Variants in MAVS observed in about 807,000 individuals in gnomAD.
MAVS encodes the protein mitochondrial antiviral signaling protein.
In MAVS, 20 loss-of-function variants were observed where a neutral mutation model predicts 30.2. The ratio of observed to expected loss-of-function variants is 0.66; its 90% confidence interval spans 0.47 to 0.96. The LOEUF (loss-of-function observed/expected upper bound fraction) is 0.96, where lower values mean the gene tolerates loss of function less well. Among genes scored for constraint, MAVS ranks in the 40% least tolerant of loss-of-function variants. MAVS has a pLI of 0.00. For missense variants in MAVS, 624 were observed against 701.1 expected, an observed-to-expected ratio of 0.89 and a Z score of 1.24; for synonymous variants, 278 against 293.9, an observed-to-expected ratio of 0.95 and a Z score of 0.55.
rs967899413 is a variant in MAVS at position 3,874,263 on chromosome 20, A to G, written c.*8116A>G. 1.7e-4 allele frequency: 66 copies of G among 398,456 alleles called. No individual in the cohort carries two copies. The highest frequency in any genetic ancestry group is 1.3e-3 in the African/African-American group (64 of 48,630). The allele number at this position is 398,456 out of a possible 1,614,324, so 24.7% of individuals were successfully genotyped here. On this transcript the variant is annotated 3_prime_UTR_variant, in exon 7 of 7. Coordinates refer to ENST00000428216, the MANE Select transcript of MAVS (RefSeq NM_020746.5). The stretch of plus-strand genomic sequence containing the variant: ...CCATGGTGTTAGAAGCCAGGGGAAC[A>G]GTTAACAGGGGAGGGATACTGGGGA...
chr20:3,858,207 A>G (rs762109655), intron 3 of MAVS, among the ~76,000 whole-genome samples: 1 of 148,464 alleles, frequency 6.7e-6, no homozygotes, highest in Non-Finnish European at 1.5e-5. Flanking sequence ...CTTCTCCCCC[A>G]CCTACTCATT....
chr20:3,860,228 C>T (rs1467339175), intron 3 of MAVS, among the ~76,000 whole-genome samples: 2 of 148,358 alleles, frequency 1.3e-5, no homozygotes, highest in Non-Finnish European at 3.0e-5. Flanking sequence ...GAGGAGAACC[C>T]CCAATTCCTT....
chr20:3,864,438 A>C lies in MAVS; in HGVS notation c.808A>C (p.Lys270Gln), dbSNP rs962153324. ...GGCCTCTGCAGGGGCTGCAGAGGGTAAACAGGGTGCAGAGAGTGACCAGGC... is the reference window on the plus strand; with the variant it reads ...GGCCTCTGCAGGGGCTGCAGAGGGTCAACAGGGTGCAGAGAGTGACCAGGC... ...GLASAGAAEG[K>Q]QGAESDQAEP... The change falls in exon 6 of 7, where the codon AAA (lysine) becomes CAA (glutamine). Residue 270 changes from lysine to glutamine, a missense_variant. Transcript: ENST00000428216. 1.2e-6 allele frequency: 2 copies of C among 1,613,854 alleles called. No individual in the cohort carries two copies. The highest frequency in any genetic ancestry group is 2.7e-5 in the African/African-American group (2 of 74,872).
rs2089988535 is a variant in MAVS, at chr20:3,875,976, A to G, written c.*9829A>G. On this transcript the variant is annotated 3_prime_UTR_variant, in exon 7 of 7. Transcript: ENST00000428216. ...CGGCTTCTTGCAGGAGGCGTATCCA[A>G]AGGAATTGGAGAAGAGATAAACTGG... is the stretch of plus-strand genomic sequence containing the variant. 1 of 152,358 alleles carries G rather than the reference A, an allele frequency of 6.6e-6. No homozygotes were observed. Among genetic ancestry groups the G allele is most frequent in the Admixed American group, 6.5e-5 (1 of 15,278 alleles). 9.4% of individuals were successfully genotyped at this position (152,358 alleles called of 1,614,324 possible).
chr20:3,862,509 A>C lies in MAVS; in HGVS notation c.625+96A>C, dbSNP rs972744473. 1.8e-5 allele frequency: 24 copies of C among 1,348,912 alleles called. No individual in the cohort carries two copies. The African/African-American group carries it at 3.5e-4, about 20-fold the overall frequency. 83.6% of individuals were successfully genotyped at this position (1,348,912 alleles called of 1,614,324 possible). On this transcript the variant is annotated intron_variant, in intron 5 of 6. Coordinates refer to ENST00000428216, the MANE Select transcript of MAVS (RefSeq NM_020746.5). The stretch of plus-strand genomic sequence containing the variant: ...ATCTGGCTTCCTTGAACAGGAGACA[A>C]GGTGGGAATAAAGGGAGTTCAACCC...
chr20:3,848,890 C>A (rs2089733588), intron 1 of MAVS, among the ~76,000 whole-genome samples: 1 of 152,106 alleles, frequency 6.6e-6, no homozygotes, highest in African/African-American at 2.4e-5. Context: ...TTATCTCCTA[C>A]ACCCTCAAAA....
At chr20:3,849,204 T>C (rs1053457392) in intron 1 of MAVS, among the ~76,000 whole-genome samples, 2 of 151,330 alleles carry the variant, frequency 1.3e-5, no homozygotes, top group Non-Finnish European at 2.9e-5. Context: ...CCTAGCTTGC[T>C]TGCTTTTTTT....
intron 1 of MAVS, among the ~76,000 whole-genome samples, chr20:3,853,953 A>ATTTT (rs56392229): frequency 8.6e-4 from 114 of 132,756 alleles, no homozygotes; most frequent in East Asian, 3.9e-3. Flanking sequence ...ATGCCCAGCT[A>ATTTT]TTTTTTTTTT....
chr20:3,864,912 C>G, intron 6 of MAVS, 124 bp downstream of exon 6: 1 of 1,233,200 alleles, frequency 8.1e-7, no homozygotes, highest in Non-Finnish European at 1.1e-6. Context: ...GCTCTGTGGC[C>G]TCTCCTTGAG....
chr20:3,861,306 G>A, intron 3 of MAVS, 26 bp from the exon 4 acceptor site: 1 of 1,585,226 alleles, frequency 6.3e-7, no homozygotes, highest in Non-Finnish European at 8.6e-7. Context: ...ATTCCTTCTT[G>A]ATATCACTAC....
At chr20:3,862,221 C>A (rs770232365) in intron 4 of MAVS, 33 bp from the exon 5 acceptor site, 1 of 1,604,768 alleles carries the variant, frequency 6.2e-7, no homozygotes, top group South Asian at 1.1e-5. Flanking sequence ...TTGGGAGAGG[C>A]AACTGCCTTA....
chr20:3,849,372 T>C (rs1403384692), intron 1 of MAVS, among the ~76,000 whole-genome samples: 1 of 151,962 alleles, frequency 6.6e-6, no homozygotes, highest in Non-Finnish European at 1.5e-5. Flanking sequence ...ACCATGCTAA[T>C]TTTTGTATTT....
intron 2 of MAVS, among the ~76,000 whole-genome samples, chr20:3,855,787 AT>A (rs994239801): frequency 5.3e-5 from 8 of 152,046 alleles, no homozygotes; most frequent in Admixed American, 2.0e-4. Context: ...TCTTTAAAAA[AT>A]TTTTTTTTGA....
chr20:3,855,506 C>CA (rs1176019138), intron 2 of MAVS, among the ~76,000 whole-genome samples: 2 of 152,160 alleles, frequency 1.3e-5, no homozygotes, highest in Non-Finnish European at 2.9e-5. Context: ...AGGCCCCTGG[C>CA]ACTCACTAGC....
At chr20:3,849,664 G>C (rs1215473890) in intron 1 of MAVS, among the ~76,000 whole-genome samples, 1 of 152,194 alleles carries the variant, frequency 6.6e-6, no homozygotes, top group Non-Finnish European at 1.5e-5. Flanking sequence ...CTGCACGCTA[G>C]TTCAGAAAGG....
In MAVS at chr20:3,874,502, G is replaced by GA; in HGVS notation, c.*8362dup. On this transcript the variant is annotated 3_prime_UTR_variant, in exon 7 of 7. Coordinates refer to ENST00000428216, the MANE Select transcript of MAVS (RefSeq NM_020746.5). ...GCAGGGACTGTGAAATGTTATAGTG[G>GA]AAAAAAAGGGAAGGCTCTGGGTGTG... 1 of 316,400 alleles carries GA rather than the reference G, an allele frequency of 3.2e-6. No individual in the cohort carries two copies. Among genetic ancestry groups the GA allele is most frequent in the Non-Finnish European group, 5.8e-6 (1 of 173,860 alleles). The allele number at this position is 316,400 out of a possible 1,614,324, so 19.6% of individuals were successfully genotyped here. A position where few individuals can be genotyped will look rare whatever the true frequency, so the allele number is the denominator to read the frequency against.
At position 3,864,586 on chromosome 20, in the gene MAVS, T is replaced by C; in HGVS notation, c.956T>C (p.Val319Ala). ...AAAGTGCCTGCCAACCCAGCATCTG[T>C]CAGCACAGTGCCCTCCAAGTTGCCA... The part of the protein sequence containing the change: ...ALKVPANPAS[V>A]STVPSKLPTS... Residue 319 changes from valine to alanine, a missense_variant, in exon 6 of 7, where the codon GTC (valine) becomes GCC (alanine). Physicochemically the swap from Val to Ala is moderately conservative, Grantham distance 64. Transcript: ENST00000428216. 6.2e-7 allele frequency: 1 copy of C among 1,614,168 alleles called. No individual in the cohort carries two copies. The highest frequency in any genetic ancestry group is 8.5e-7 in the Non-Finnish European group (1 of 1,180,024).
chr20:3,851,613 C>G (rs6037678), intron 1 of MAVS, among the ~76,000 whole-genome samples: 10,624 of 151,966 alleles, frequency 0.07, 554 homozygotes, highest in African/African-American at 0.14. Flanking sequence ...TGATAACTTG[C>G]CCAGGACACA....
chr20:3,862,226 G>A (rs1174730690), intron 4 of MAVS, 28 bp from the exon 5 acceptor site: 79 of 1,609,426 alleles, frequency 4.9e-5, no homozygotes, highest in Non-Finnish European at 6.7e-5. Context: ...AGAGGCAACT[G>A]CCTTATTCAT....
Sources: gnomAD v4.1 joint callset for allele counts (sites outside exome capture counted in the v4.1 genomes callset) on GRCh38, gnomAD v4.1.1 for gene constraint, MANE v1.5 for transcripts, NCBI Gene and HGNC (gene_info 2026-07-23, HGNC 2026-07-21) for gene names.